The following FSTL5 variants were observed in gnomAD, a reference collection of about 807,000 sequenced individuals.
The protein encoded by FSTL5 is follistatin like 5, also known as follistatin-related protein 5.
A neutral mutation model predicts 89.1 loss-of-function variants in FSTL5; 62 were observed. The observed-to-expected ratio is 0.70, with a 90% CI of 0.57 to 0.86. The LOEUF is 0.86. FSTL5 is among the 40% of genes least tolerant of loss of function. The probability of loss-of-function intolerance (pLI) is 0.00; values close to 1 mark genes in which losing one functional copy is unlikely to be tolerated. For missense variants in FSTL5, 1,057 were observed against 1,001.6 expected (o/e 1.06, Z -0.75); for synonymous variants, 383 against 346.2 (o/e 1.11, Z -1.18).
chr4:161,864,187 A>C (rs1396732562), intron 4 of FSTL5, among the ~76,000 whole-genome samples: 3 of 152,214 alleles, frequency 2.0e-5, no homozygotes, highest in Non-Finnish European at 2.9e-5. Flanking sequence ...GAGAGAAGCC[A>C]CAAAATGATG....
chr4:161,787,632 T>C (rs1741951625), intron 4 of FSTL5, among the ~76,000 whole-genome samples: 1 of 152,188 alleles, frequency 6.6e-6, no homozygotes, highest in Admixed American at 6.5e-5. Context: ...GACGTTGCTC[T>C]TCTCTGAAAT....
chr4:161,567,526 A>G (rs891452852), intron 8 of FSTL5, among the ~76,000 whole-genome samples: 1 of 152,126 alleles, frequency 6.6e-6, no homozygotes, highest in Non-Finnish European at 1.5e-5. Context: ...ATTACCCAGT[A>G]CTTGTATACA....
chr4:162,049,286 C>T (rs1010964708), intron 2 of FSTL5, among the ~76,000 whole-genome samples: 1 of 152,118 alleles, frequency 6.6e-6, no homozygotes, highest in Non-Finnish European at 1.5e-5. Context: ...TCAATGGATG[C>T]TCTTTACATC....
intron 4 of FSTL5, among the ~76,000 whole-genome samples, chr4:161,894,444 C>T (rs1560903641): frequency 6.6e-6 from 1 of 151,974 alleles, no homozygotes; most frequent in Non-Finnish European, 1.5e-5. Context: ...GTTGACCTGT[C>T]AAAAAATATA....
intron 7 of FSTL5, among the ~76,000 whole-genome samples, chr4:161,613,313 T>C (rs550751991): frequency 2.0e-5 from 3 of 151,974 alleles, no homozygotes; most frequent in Admixed American, 2.0e-4. Flanking sequence ...TAGTTGGGCA[T>C]GATGGCGCAC....
At chr4:161,967,373 A>G (rs1281697126) in intron 3 of FSTL5, among the ~76,000 whole-genome samples, 2 of 151,944 alleles carry the variant, frequency 1.3e-5, no homozygotes, top group African/African-American at 4.8e-5. Context: ...TTTACTCAAC[A>G]AAAAACAGAT....
chr4:161,702,705 G>C (rs769855522), intron 6 of FSTL5, among the ~76,000 whole-genome samples: 1 of 152,084 alleles, frequency 6.6e-6, no homozygotes, highest in East Asian at 1.9e-4. Context: ...ATGTCCCCCA[G>C]ATGCACTTTA....
At chr4:161,811,490 C>A (rs1313386580) in intron 4 of FSTL5, among the ~76,000 whole-genome samples, 1 of 151,900 alleles carries the variant, frequency 6.6e-6, no homozygotes, top group African/African-American at 2.4e-5. Flanking sequence ...CCTCACTAAC[C>A]TTTCACTGAA....
At chr4:161,408,351 C>G (rs1731464214) in intron 15 of FSTL5, among the ~76,000 whole-genome samples, 1 of 152,140 alleles carries the variant, frequency 6.6e-6, no homozygotes, top group African/African-American at 2.4e-5. Flanking sequence ...AAACCAAGAA[C>G]AAGAATTCTA....
At chr4:161,600,994 C>A (rs1734209160) in intron 7 of FSTL5, among the ~76,000 whole-genome samples, 1 of 152,086 alleles carries the variant, frequency 6.6e-6, no homozygotes, top group African/African-American at 2.4e-5. Context: ...TTCACCTACA[C>A]TAGGGCATTG....
chr4:161,730,759 G>T (rs1739580179), intron 6 of FSTL5, among the ~76,000 whole-genome samples: 1 of 152,100 alleles, frequency 6.6e-6, no homozygotes, highest in South Asian at 2.1e-4. Flanking sequence ...CTACATGTCT[G>T]CTTGCAACTG....
At chr4:161,975,320 A>G (rs1406734710) in intron 3 of FSTL5, among the ~76,000 whole-genome samples, 1 of 152,084 alleles carries the variant, frequency 6.6e-6, no homozygotes, top group Admixed American at 6.6e-5. Flanking sequence ...TTATTGCGGC[A>G]TTATTCACAA....
chr4:161,739,284 G>C (rs1739921317), intron 6 of FSTL5, among the ~76,000 whole-genome samples: 1 of 152,120 alleles, frequency 6.6e-6, no homozygotes, highest in African/African-American at 2.4e-5. Context: ...CATATCAGGA[G>C]AATGCCATGT....
chr4:161,641,780 G>A (rs1468576683), intron 7 of FSTL5, among the ~76,000 whole-genome samples: 3 of 151,990 alleles, frequency 2.0e-5, no homozygotes, highest in Non-Finnish European at 4.4e-5. Flanking sequence ...ATGAGCCACC[G>A]CACCTGGCCC....
At chr4:161,786,966 T>C (rs1346472441) in intron 4 of FSTL5, among the ~76,000 whole-genome samples, 1 of 152,136 alleles carries the variant, frequency 6.6e-6, no homozygotes, top group African/African-American at 2.4e-5. Flanking sequence ...TGTTTAATTG[T>C]GCACTTTCTT....
chr4:162,134,369 G>T (rs542851878), intron 1 of FSTL5, among the ~76,000 whole-genome samples: 1 of 152,240 alleles, frequency 6.6e-6, no homozygotes, highest in South Asian at 2.1e-4. Context: ...TGCCCCTGCG[G>T]TCTTATATAT....
At chr4:161,942,077 T>G (rs1734604217) in intron 3 of FSTL5, among the ~76,000 whole-genome samples, 1 of 151,858 alleles carries the variant, frequency 6.6e-6, no homozygotes, top group Admixed American at 6.6e-5. Context: ...TATTAGGAAA[T>G]ACTTAGAGAC....
chr4:162,149,946 A>G (rs1733161223), intron 1 of FSTL5, among the ~76,000 whole-genome samples: 1 of 152,136 alleles, frequency 6.6e-6, no homozygotes, highest in African/African-American at 2.4e-5. Flanking sequence ...AAAAACAGAT[A>G]TATAACCACA....
intron 3 of FSTL5, among the ~76,000 whole-genome samples, chr4:161,946,346 G>C (rs984693124): frequency 3.3e-5 from 5 of 152,094 alleles, no homozygotes; most frequent in Non-Finnish European, 1.5e-5. Flanking sequence ...CTTTAACAAA[G>C]TTACTCAGTT....
Sources: allele counts gnomAD v4.1 joint callset (sites outside exome capture counted in the v4.1 genomes callset), GRCh38; gene constraint gnomAD v4.1.1; transcripts MANE v1.5; gene names NCBI Gene and HGNC (gene_info 2026-07-23, HGNC 2026-07-21).